The following ADAMTS6 variants were observed in gnomAD, a reference collection of about 807,000 sequenced individuals.
The protein encoded by ADAMTS6 is A disintegrin and metalloproteinase with thrombospondin motifs 6.
Under a neutral mutation model 144.3 loss-of-function variants are expected in ADAMTS6, and 23 were observed. The observed-to-expected ratio is 0.16, with a 90% CI of 0.11 to 0.23. The LOEUF (loss-of-function observed/expected upper bound fraction) is 0.23, where lower values mean the gene tolerates loss of function less well. Ranked by LOEUF, ADAMTS6 falls within the 10% of genes least tolerant of loss-of-function variation. ADAMTS6 has a pLI of 1.00. For synonymous variants in ADAMTS6, 444 were observed against 457.5 expected (o/e 0.97, Z 0.38); for missense variants, 999 against 1,379.6 (o/e 0.72, Z 4.37).
At chr5:65,388,457 GTTGTT>G (rs987904891) in intron 7 of ADAMTS6, among the ~76,000 whole-genome samples, 1 of 152,172 alleles carries the variant, frequency 6.6e-6, no homozygotes, top group African/African-American at 2.4e-5. Flanking sequence ...GTTTAGGCAA[GTTGTT>G]TTAACAGAAA....
At chr5:65,223,492 C>T (rs1757478540) in intron 18 of ADAMTS6, among the ~76,000 whole-genome samples, 1 of 152,154 alleles carries the variant, frequency 6.6e-6, no homozygotes, top group Admixed American at 6.5e-5. Flanking sequence ...CTCCCTGCCC[C>T]CTGGTAAATA....
chr5:65,206,851 CA>C (rs2112281085), intron 20 of ADAMTS6, among the ~76,000 whole-genome samples: 1 of 151,208 alleles, frequency 6.6e-6, no homozygotes, highest in Admixed American at 6.6e-5. Context: ...CACACACACA[CA>C]CACACACACA....
Position 65,291,471 on chromosome 5 carries a change from C to T in ADAMTS6, c.1371-1G>A. 6.2e-7 allele frequency: 1 copy of T among 1,610,780 alleles called. No individual in the cohort carries two copies. Among genetic ancestry groups the T allele is most frequent in the Non-Finnish European group, 8.5e-7 (1 of 1,178,504 alleles). On this transcript the variant is annotated splice_acceptor_variant, in intron 10 of 24. Coordinates refer to ENST00000381055, the MANE Select transcript of ADAMTS6 (RefSeq NM_197941.4). LOFTEE classifies it high-confidence loss of function. ...ATCAAGGCAAGTACCACGGCCTGAACTGTTCAACATAAAGGATCAAAGGAA... is the reference window on the plus strand; with the variant it reads ...ATCAAGGCAAGTACCACGGCCTGAATTGTTCAACATAAAGGATCAAAGGAA...
chr5:65,273,656 C>G (rs886496468), intron 11 of ADAMTS6, among the ~76,000 whole-genome samples: 2 of 152,006 alleles, frequency 1.3e-5, no homozygotes, highest in African/African-American at 2.4e-5. Flanking sequence ...CTTATTTTAG[C>G]AGATAAAGTA....
intron 20 of ADAMTS6, among the ~76,000 whole-genome samples, chr5:65,208,574 A>G (rs2112291821): frequency 6.6e-6 from 1 of 152,330 alleles, no homozygotes; most frequent in East Asian, 1.9e-4. Context: ...TAAAAAGGTC[A>G]CTAGAGACTA....
chr5:65,476,634 G>C (rs549635692), intron 1 of ADAMTS6, among the ~76,000 whole-genome samples: 41 of 151,700 alleles, frequency 2.7e-4, no homozygotes, highest in African/African-American at 9.9e-4. Flanking sequence ...TTGAGACTGA[G>C]TCTTGCTCTT....
intron 7 of ADAMTS6, among the ~76,000 whole-genome samples, chr5:65,348,561 A>G (rs572306158): frequency 1.3e-5 from 2 of 152,242 alleles, no homozygotes; most frequent in South Asian, 4.1e-4. Flanking sequence ...CTTAGGAGGA[A>G]TAAGTTTTTG....
At chr5:65,239,969 T>G (rs867763146) in intron 15 of ADAMTS6, among the ~76,000 whole-genome samples, 4 of 152,180 alleles carry the variant, frequency 2.6e-5, no homozygotes, top group South Asian at 2.1e-4. Flanking sequence ...TAAATTCACA[T>G]GTAATCTATT....
intron 22 of ADAMTS6, among the ~76,000 whole-genome samples, chr5:65,176,315 T>C (rs1304223488): frequency 2.6e-5 from 4 of 152,206 alleles, no homozygotes; most frequent in Non-Finnish European, 4.4e-5. Flanking sequence ...AGAAATGTTG[T>C]ATAATTTAAA....
At chr5:65,364,571 T>C (rs1164454993) in intron 7 of ADAMTS6, among the ~76,000 whole-genome samples, 1 of 147,910 alleles carries the variant, frequency 6.8e-6, no homozygotes, top group Non-Finnish European at 1.5e-5. Context: ...TTTCTTTTTT[T>C]TTTTTTTTTT....
At position 65,453,152 on chromosome 5, in the gene ADAMTS6, GAATT is replaced by G. The variant is rs144087506; in HGVS notation, c.632-238_632-235del. Among the ~76,000 whole-genome samples, 370 of 151,856 alleles carry G rather than the reference GAATT, an allele frequency of 2.4e-3. 3 individuals are homozygous for G. The highest frequency in any genetic ancestry group is 8.6e-3 in the African/African-American group (357 of 41,346). ...TGAAAACAAAACAAATCTAAGAAAT[GAATT>G]AATTAATAAAAATAATTTTCAAATA... On this transcript the variant is annotated intron_variant, in intron 4 of 24. Coordinates refer to ENST00000381055, the MANE Select transcript of ADAMTS6 (RefSeq NM_197941.4).
intron 11 of ADAMTS6, among the ~76,000 whole-genome samples, chr5:65,277,179 T>C (rs1163485753): frequency 6.6e-6 from 1 of 152,156 alleles, no homozygotes; most frequent in Non-Finnish European, 1.5e-5. Flanking sequence ...TCCAATCAGT[T>C]AGGAGGAATG....
intron 15 of ADAMTS6, among the ~76,000 whole-genome samples, chr5:65,236,149 A>C (rs1409660065): frequency 6.6e-6 from 1 of 152,232 alleles, no homozygotes; most frequent in East Asian, 1.9e-4. Context: ...TGAGAGTAGA[A>C]AAAAATCAGA....
At chr5:65,354,780 G>A (rs1489821285) in intron 7 of ADAMTS6, among the ~76,000 whole-genome samples, 2 of 151,406 alleles carry the variant, frequency 1.3e-5, no homozygotes, top group African/African-American at 4.8e-5. Context: ...AAAAAAAATA[G>A]ACACTGAAAG....
intron 11 of ADAMTS6, among the ~76,000 whole-genome samples, 164 bp downstream of exon 11, chr5:65,291,165 A>G (rs1742263020): frequency 2.0e-5 from 3 of 152,226 alleles, no homozygotes; most frequent in Admixed American, 2.0e-4. Context: ...AACATTTAGA[A>G]AAAATATTGT....
chr5:65,416,990 G>C (rs184646642), intron 7 of ADAMTS6, among the ~76,000 whole-genome samples: 49 of 152,072 alleles, frequency 3.2e-4, no homozygotes, highest in African/African-American at 1.2e-3. Flanking sequence ...CAAAATACTA[G>C]AAAACTGAAT....
At chr5:65,291,204 CA>C in intron 11 of ADAMTS6, 124 bp downstream of exon 11, 1 of 1,185,030 alleles carries the variant, frequency 8.4e-7, no homozygotes, top group Non-Finnish European at 1.1e-6. Context: ...ACTGCAGTGT[CA>C]AAAGCCATAT....
At chr5:65,336,635 C>T (rs138167625) in intron 7 of ADAMTS6, among the ~76,000 whole-genome samples, 31 of 152,144 alleles carry the variant, frequency 2.0e-4, no homozygotes, top group African/African-American at 7.0e-4. Context: ...ACTCTTCATG[C>T]AAAGTATTGT....
At chr5:65,407,857 A>T (rs562628721) in intron 7 of ADAMTS6, among the ~76,000 whole-genome samples, 14 of 152,320 alleles carry the variant, frequency 9.2e-5, no homozygotes, top group South Asian at 4.1e-4. Context: ...ATTATTAAAG[A>T]AAAGAATTTT....
Sources: allele counts gnomAD v4.1 joint callset (sites outside exome capture counted in the v4.1 genomes callset), GRCh38; gene constraint gnomAD v4.1.1; transcripts MANE v1.5; gene names NCBI Gene and HGNC (gene_info 2026-07-23, HGNC 2026-07-21).